Variants in DNAH5 observed in about 807,000 individuals in gnomAD.
DNAH5 encodes the protein axonemal beta dynein heavy chain 5.
A neutral mutation model predicts 518.2 loss-of-function variants in DNAH5; 372 were observed. The observed-to-expected ratio is 0.72, with a 90% confidence interval of 0.66 to 0.78. DNAH5 has a LOEUF of 0.78. Ranked by LOEUF, DNAH5 falls within the 30% of genes least tolerant of loss-of-function variation. The pLI, the probability that DNAH5 is intolerant of heterozygous loss-of-function variation, is 0.00. For synonymous variants in DNAH5, 2,039 were observed against 2,025.9 expected (o/e 1.01, Z -0.17); for missense variants, 5,523 against 5,687.0 (o/e 0.97, Z 0.93).
At chr5:13,984,394 G>A (rs186606695) in intron 1 of DNAH5, among the ~76,000 whole-genome samples, 4 of 152,310 alleles carry the variant, frequency 2.6e-5, no homozygotes, top group Admixed American at 2.6e-4. Context: ...CTGAGACTTT[G>A]CTGAAGTTGC....
In DNAH5 at chr5:13,998,574, T is replaced by G. The variant is rs556434146; in HGVS notation, c.12+13074A>C. On this transcript the variant is annotated intron_variant, in intron 1 of 78. Transcript: ENST00000681290. ...GTAAACCCAACTCTAGGCTACCTAT[T>G]CTGAGTTGGGAAAGTGAATAACTTT... Among the ~76,000 whole-genome samples the G allele has an allele frequency of 4.6e-5, 7 of 152,354 alleles. No homozygotes were observed. In the East Asian group the frequency reaches 1.3e-3, roughly 29 times the overall value.
At chr5:14,011,243 G>C (rs958522333) in intron 1 of DNAH5, among the ~76,000 whole-genome samples, 1 of 152,150 alleles carries the variant, frequency 6.6e-6, no homozygotes, top group Non-Finnish European at 1.5e-5. Flanking sequence ...AGACACAAAA[G>C]CGACCTTCGC....
intron 1 of DNAH5, among the ~76,000 whole-genome samples, chr5:13,974,195 G>T (rs538074316): frequency 6.7e-6 from 1 of 149,744 alleles, no homozygotes; most frequent in Admixed American, 6.6e-5. Context: ...GAGTGCAGTG[G>T]TGCGATCTTG....
chr5:13,768,828 A>G, intron 58 of DNAH5, 132 bp downstream of exon 58: 1 of 1,044,286 alleles, frequency 9.6e-7, no homozygotes, highest in South Asian at 1.3e-5. Flanking sequence ...AGAAAATATT[A>G]CTTGAAATCA....
At position 13,884,914 on chromosome 5, in the gene DNAH5, G is replaced by GCA. The variant is rs60385373; in HGVS notation, c.2983+73_2983+74dup. On this transcript the variant is annotated intron_variant, in intron 19 of 78. Transcript: ENST00000265104. ...GGAATGTACATGCACGTGCACACGTGCACACACACACACACACACATACCC... is the reference window on the plus strand; with the variant it reads ...GGAATGTACATGCACGTGCACACGTGCACACACACACACACACACACATACCC... 3,479 of 1,504,826 alleles carry GCA rather than the reference G, an allele frequency of 2.3e-3. 3 individuals are homozygous for GCA. Among genetic ancestry groups the GCA allele is most frequent in the South Asian group, 9.7e-3 (842 of 86,644 alleles). 93.2% of individuals were successfully genotyped at this position (1,504,826 alleles called of 1,614,324 possible).
intron 1 of DNAH5, among the ~76,000 whole-genome samples, chr5:14,001,841 T>G (rs1220675596): frequency 6.6e-6 from 1 of 152,064 alleles, no homozygotes; most frequent in African/African-American, 2.4e-5. Flanking sequence ...AGAGAGCTCA[T>G]GCACCATCAA....
chr5:13,768,997 G>A lies in DNAH5; in HGVS notation c.9860C>T (p.Ala3287Val). 6.2e-7 allele frequency: 1 copy of A among 1,614,156 alleles called. No homozygotes were observed. The highest frequency in any genetic ancestry group is 2.2e-5 in the East Asian group (1 of 44,876). Residue 3287 changes from alanine (A) to valine (V), a missense_variant, in exon 58 of 79, where the codon GCA (alanine) becomes GTA (valine). Around this residue, in one of 3 missense-constraint regions of DNAH5, gnomAD observed 5,121 missense variants for 5,223.3 expected, o/e 0.98. Coordinates refer to ENST00000265104, the MANE Select transcript of DNAH5 (RefSeq NM_001369.3). ...TTCTGCCTCTTCTAAAGCTGGTTTTGCTGCTTCCAGTTTTTCTTCAGCAAT... is the reference window on the plus strand; with the variant it reads ...TTCTGCCTCTTCTAAAGCTGGTTTTACTGCTTCCAGTTTTTCTTCAGCAAT... The part of the protein sequence containing the change: ...KAIAEEKLEA[A>V]KPALEEAEAA...
intron 31 of DNAH5, among the ~76,000 whole-genome samples, chr5:13,850,008 T>A (rs795531): frequency 6.6e-6 from 1 of 152,148 alleles, no homozygotes; most frequent in African/African-American, 2.4e-5. Context: ...GATGTATTCA[T>A]GGGGAAAGAT....
intron 76 of DNAH5, 151 bp from the exon 77 acceptor site, chr5:13,701,587 G>T: frequency 1.4e-6 from 1 of 738,408 alleles, no homozygotes; most frequent in Non-Finnish European, 2.2e-6. Flanking sequence ...CCTGGATTCT[G>T]GCGTAAGTGT....
intron 19 of DNAH5, 69 bp downstream of exon 19, chr5:13,884,914 GCACACA>G (rs60385373): frequency 3.0e-5 from 45 of 1,510,112 alleles, no homozygotes; most frequent in East Asian, 7.2e-5. Flanking sequence ...GTGCACACGT[GCACACA>G]CACACACACA....
At chr5:13,768,071 CA>C (rs1561207982) in intron 58 of DNAH5, among the ~76,000 whole-genome samples, 1 of 152,180 alleles carries the variant, frequency 6.6e-6, no homozygotes, top group African/African-American at 2.4e-5. Flanking sequence ...TTCATTTTCT[CA>C]AAATCCAACC....
Position 13,913,742 on chromosome 5 carries a change from C to G in DNAH5, c.1536+1G>C. 1 of 1,613,134 alleles carries G rather than the reference C, an allele frequency of 6.2e-7. No homozygotes were observed. The highest frequency in any genetic ancestry group is 8.5e-7 in the Non-Finnish European group (1 of 1,179,304). ...TAAAATATAGCTTTAAAGTACAATA[C>G]CTGGTATTTAGTGGCCATGTCTTCC... On this transcript the variant is annotated splice_donor_variant, in intron 11 of 78. Transcript: ENST00000265104. LOFTEE classifies it high-confidence loss of function.
Position 13,969,799 on chromosome 5 carries a change from G to A in DNAH5, c.13-38555C>T, listed in dbSNP as rs554121677. ...ATAATCTGTAGTTGTTGGGTAGAAT[G>A]TTCTGTAAATATCTGTTAAATCTAT... On this transcript the variant is annotated intron_variant, in intron 1 of 78. Transcript: ENST00000681290. Among the ~76,000 whole-genome samples, 70 of 152,288 alleles carry A rather than the reference G, an allele frequency of 4.6e-4. 1 individual carries two copies. In the South Asian group the frequency reaches 0.014, roughly 30 times the overall value.
At chr5:13,717,881 T>C (rs1481630913) in intron 72 of DNAH5, among the ~76,000 whole-genome samples, 1 of 152,184 alleles carries the variant, frequency 6.6e-6, no homozygotes, top group Admixed American at 6.5e-5. Flanking sequence ...GTTTTGAGCA[T>C]ATACTTGGGG....
chr5:13,716,860 T>G (rs1040347047), intron 73 of DNAH5, among the ~76,000 whole-genome samples, 170 bp from the exon 74 acceptor site: 1 of 152,224 alleles, frequency 6.6e-6, no homozygotes, highest in Non-Finnish European at 1.5e-5. Context: ...GAAGAGTAGT[T>G]ACTCAGTGCT....
At chr5:13,808,621 G>A (rs751560521) in intron 46 of DNAH5, among the ~76,000 whole-genome samples, 4 of 152,202 alleles carry the variant, frequency 2.6e-5, no homozygotes, top group African/African-American at 9.7e-5. Context: ...TGACATTTTC[G>A]TGTATTCTAA....
At chr5:13,991,344 T>G (rs12653569) in intron 1 of DNAH5, among the ~76,000 whole-genome samples, 2 of 152,086 alleles carry the variant, frequency 1.3e-5, no homozygotes, top group Non-Finnish European at 2.9e-5. Context: ...TGGACTAAGA[T>G]GGCTGCCCTG....
chr5:13,793,499 T>A lies in DNAH5; in HGVS notation c.8224+16A>T. ...TTCTTCCTCACCCTCCCACCCCACA[T>A]CCTCTTGATCTTTACCAAAGATCTT... On this transcript the variant is annotated intron_variant, in intron 49 of 78. Transcript: ENST00000265104. 6.2e-7 allele frequency: 1 copy of A among 1,600,270 alleles called. No individual in the cohort carries two copies. Among genetic ancestry groups the A allele is most frequent in the South Asian group, 1.1e-5 (1 of 90,780 alleles).
chr5:13,892,412 C>G (rs956762920), intron 16 of DNAH5, among the ~76,000 whole-genome samples: 1 of 152,168 alleles, frequency 6.6e-6, no homozygotes, highest in African/African-American at 2.4e-5. Context: ...CCCAGATTAT[C>G]TATACTCTCT....
Sources: allele counts gnomAD v4.1 joint callset (sites outside exome capture counted in the v4.1 genomes callset), GRCh38; gene constraint gnomAD v4.1.1; regional missense constraint gnomAD v4.1.1; transcripts MANE v1.5; gene names NCBI Gene and HGNC (gene_info 2026-07-23, HGNC 2026-07-21).